The following PSAP variants were observed in gnomAD, a reference collection of about 807,000 sequenced individuals.
PSAP encodes precursor of saposins.
Under a neutral mutation model 66.0 loss-of-function variants are expected in PSAP, and 25 were observed. The ratio of observed to expected loss-of-function variants is 0.38; its 90% CI spans 0.28 to 0.53. The LOEUF (loss-of-function observed/expected upper bound fraction) is 0.53, where lower values mean the gene tolerates loss of function less well. Among genes scored for constraint, PSAP ranks in the 20% least tolerant of loss-of-function variants. The pLI, the probability that PSAP is intolerant of heterozygous loss-of-function variation, is 0.83. For missense variants in PSAP, 649 were observed against 668.8 expected, an observed-to-expected ratio of 0.97 and a Z score of 0.33; for synonymous variants, 273 against 258.9, an observed-to-expected ratio of 1.05 and a Z score of -0.52.
chr10:71,842,879 A>G (rs1293317555), intron 1 of PSAP, among the ~76,000 whole-genome samples: 1 of 152,234 alleles, frequency 6.6e-6, no homozygotes, highest in Non-Finnish European at 1.5e-5. Context: ...TATTCTATCT[A>G]ATCATGACAA....
At position 71,831,937 on chromosome 10, in the gene PSAP, G is replaced by A. The variant is rs1389573032; in HGVS notation, c.175-17C>T. 1.1e-5 allele frequency: 18 copies of A among 1,610,240 alleles called. No homozygotes were observed. Among genetic ancestry groups the A allele is most frequent in the Admixed American group, 1.7e-5 (1 of 60,016 alleles). ...AAGGGATTTCTAAGAGAAAGAATAC[G>A]AGAAATTTGTATTTGCAGGACACAA... On this transcript the variant is annotated splice_polypyrimidine_tract_variant and intron_variant, in intron 2 of 13. Transcript: ENST00000394936.
chr10:71,818,144 G>C (rs1003764649), intron 13 of PSAP, among the ~76,000 whole-genome samples: 5 of 152,248 alleles, frequency 3.3e-5, no homozygotes, highest in Admixed American at 1.3e-4. Flanking sequence ...GTGGCTGCCA[G>C]GCCAGGCCAG....
rs761844234 is a variant in PSAP, at chr10:71,850,781, G to T, written c.40+401C>A. Among the ~76,000 whole-genome samples, 11 of 152,240 alleles carry T rather than the reference G, an allele frequency of 7.2e-5. 1 individual carries two copies. The highest frequency in any genetic ancestry group is 4.4e-5 in the Non-Finnish European group (3 of 68,044). The stretch of plus-strand genomic sequence containing the variant: ...GAAGCCAACGGCCAAAGTGTCCTGC[G>T]GGACGGGGCTCCAGCCCACCTCGAT... On this transcript the variant is annotated intron_variant, in intron 1 of 13. Coordinates refer to ENST00000394936, the MANE Select transcript of PSAP (RefSeq NM_002778.4).
Position 71,834,406 on chromosome 10 carries a change from T to C in PSAP, c.140A>G (p.His47Arg). ...KTASDCGAVK[H>R]CLQTVWNKPT... ...CTTGTTCCAAACGGTCTGCAGGCAG[T>C]GCTTCACTGCCCCGCAGTCGGACGC... is the stretch of plus-strand genomic sequence containing the variant. The change falls in exon 2 of 14, where the codon CAC becomes CGC. Residue 47 changes from histidine to arginine, a missense_variant. Physicochemically the swap from His to Arg is conservative, Grantham distance 29. Coordinates refer to ENST00000394936, the MANE Select transcript of PSAP (RefSeq NM_002778.4). The C allele has an allele frequency of 6.2e-7, 1 of 1,614,032 alleles. No individual in the cohort carries two copies. Among genetic ancestry groups the C allele is most frequent in the Non-Finnish European group, 8.5e-7 (1 of 1,180,018 alleles).
In PSAP at chr10:71,819,822, C is replaced by A. The variant is rs1467208647; in HGVS notation, c.1084G>T (p.Asp362Tyr). 6.2e-7 allele frequency: 1 copy of A among 1,613,966 alleles called. No homozygotes were observed. Among genetic ancestry groups the A allele is most frequent in the Admixed American group, 1.7e-5 (1 of 60,004 alleles). The change falls in exon 10 of 14, where the codon GAC becomes TAC. Residue 362 changes from aspartate to tyrosine, a missense_variant. Coordinates refer to ENST00000394936, the MANE Select transcript of PSAP (RefSeq NM_002778.4). ...GACAGGATGGAGCTGCCGTACGTGTCCACCACCTCCTGGCACTCTTCCGAC... is the reference window on the plus strand; with the variant it reads ...GACAGGATGGAGCTGCCGTACGTGTACACCACCTCCTGGCACTCTTCCGAC... Reference protein sequence around the residue: ...SLSEECQEVVDTYGSSILSIL... With the variant: ...SLSEECQEVVYTYGSSILSIL...
chr10:71,831,716 T>C lies in PSAP; in HGVS notation c.249+130A>G, dbSNP rs904117893. Reference sequence around the variant, plus strand: ...ATACCCTAAAATCTTTTCTCCTTGATCCTTTGTGGAAGACATTTGCCACCC... The same window carrying C: ...ATACCCTAAAATCTTTTCTCCTTGACCCTTTGTGGAAGACATTTGCCACCC... On this transcript the variant is annotated intron_variant, in intron 3 of 13. Transcript: ENST00000394936. 1.2e-5 allele frequency: 11 copies of C among 895,036 alleles called. No individual in the cohort carries two copies. The African/African-American group carries it at 1.8e-4, about 15-fold the overall frequency. The allele number at this position is 895,036 out of a possible 1,614,324, so 55.4% of individuals were successfully genotyped here. A position where few individuals can be genotyped will look rare whatever the true frequency, so the allele number is the denominator to read the frequency against.
At chr10:71,839,145 T>TA (rs1233587405) in intron 1 of PSAP, among the ~76,000 whole-genome samples, 1 of 149,794 alleles carries the variant, frequency 6.7e-6, no homozygotes, top group Admixed American at 6.7e-5. Flanking sequence ...GATTTCCAAT[T>TA]AAATGTGTCA....
chr10:71,819,679 G>A (rs754404618), intron 10 of PSAP, 35 bp downstream of exon 10: 1 of 1,613,940 alleles, frequency 6.2e-7, no homozygotes, highest in Admixed American at 1.7e-5. Context: ...CCCAAGAGGG[G>A]CACCATCCTC....
intron 11 of PSAP, 53 bp from the exon 12 acceptor site, chr10:71,819,164 T>TG: frequency 6.6e-7 from 1 of 1,513,974 alleles, no homozygotes; most frequent in Non-Finnish European, 9.2e-7. Flanking sequence ...CCGAGCATAG[T>TG]GGGGCACAAA....
At chr10:71,847,815 C>T (rs1386709457) in intron 1 of PSAP, among the ~76,000 whole-genome samples, 1 of 152,206 alleles carries the variant, frequency 6.6e-6, no homozygotes, top group East Asian at 1.9e-4. Context: ...AAATCCCTGA[C>T]AGGCCAAGAC....
intron 1 of PSAP, among the ~76,000 whole-genome samples, chr10:71,837,827 G>T (rs979382572): frequency 6.6e-6 from 1 of 152,244 alleles, no homozygotes; most frequent in Admixed American, 6.5e-5. Flanking sequence ...GGGAATTCCA[G>T]AACATTCCAA....
At chr10:71,843,730 G>C (rs149666331) in intron 1 of PSAP, among the ~76,000 whole-genome samples, 30 of 152,322 alleles carry the variant, frequency 2.0e-4, no homozygotes, top group Admixed American at 9.8e-4. Context: ...AGATTAAGGA[G>C]ACCTGACAGC....
intron 1 of PSAP, among the ~76,000 whole-genome samples, chr10:71,845,913 C>T (rs1417101693): frequency 1.3e-5 from 2 of 152,180 alleles, no homozygotes; most frequent in Non-Finnish European, 2.9e-5. Context: ...TTTCCTGACT[C>T]ACTAATTATA....
intron 1 of PSAP, among the ~76,000 whole-genome samples, chr10:71,839,439 C>T (rs1030108403): frequency 6.6e-6 from 1 of 151,576 alleles, no homozygotes; most frequent in African/African-American, 2.4e-5. Context: ...AGGGTTTTGC[C>T]GTGTTGGCCA....
At chr10:71,839,841 G>A (rs550678684) in intron 1 of PSAP, among the ~76,000 whole-genome samples, 79 of 152,226 alleles carry the variant, frequency 5.2e-4, no homozygotes, top group Non-Finnish European at 7.4e-4. Flanking sequence ...GCGACAGAGC[G>A]AGACTCCATC....
intron 1 of PSAP, among the ~76,000 whole-genome samples, chr10:71,849,052 T>C (rs1427717325): frequency 6.6e-6 from 1 of 152,140 alleles, no homozygotes; most frequent in Non-Finnish European, 1.5e-5. Flanking sequence ...ATCAGAACTC[T>C]TAAGGGTCTT....
chr10:71,816,675 CACT>C lies in PSAP; in HGVS notation c.*763_*765del. The C allele has an allele frequency of 2.9e-6, 1 of 341,516 alleles. No homozygotes were observed. Among genetic ancestry groups the C allele is most frequent in the Non-Finnish European group, 5.9e-6 (1 of 169,124 alleles). 21.2% of individuals were successfully genotyped at this position (341,516 alleles called of 1,614,324 possible). A position where few individuals can be genotyped will look rare whatever the true frequency, so the allele number is the denominator to read the frequency against. On this transcript the variant is annotated 3_prime_UTR_variant, in exon 14 of 14. Transcript: ENST00000394936. ...ACACGAGCAGGCACAGCGCGGCCAC[CACT>C]GTCCACACGCTCACACAAGCCAGGC... is the stretch of plus-strand genomic sequence containing the variant.
intron 1 of PSAP, among the ~76,000 whole-genome samples, chr10:71,836,063 G>A (rs533625417): frequency 3.3e-5 from 5 of 152,200 alleles, no homozygotes; most frequent in Non-Finnish European, 7.4e-5. Flanking sequence ...CACAAAGCTC[G>A]AGTCAGATCA....
At chr10:71,828,444 C>A (rs563515225) in intron 5 of PSAP, among the ~76,000 whole-genome samples, 4 of 152,160 alleles carry the variant, frequency 2.6e-5, no homozygotes, top group Non-Finnish European at 5.9e-5. Context: ...TCGCTTGAAC[C>A]CAGGAGTTTG....
Sources: gnomAD v4.1 joint callset for allele counts (sites outside exome capture counted in the v4.1 genomes callset) on GRCh38, gnomAD v4.1.1 for gene constraint, MANE v1.5 for transcripts, NCBI Gene and HGNC (gene_info 2026-07-23, HGNC 2026-07-21) for gene names.